CAMTA1: variants seen among roughly 807,000 people sequenced by gnomAD.
CAMTA1 encodes calmodulin binding transcription activator 1, also known as calmodulin-binding transcription activator 1.
A neutral mutation model predicts 170.9 loss-of-function variants in CAMTA1; 27 were observed. The observed-to-expected ratio is 0.16, with a 90% confidence interval of 0.12 to 0.22. CAMTA1 has a LOEUF of 0.22. Ranked by LOEUF, CAMTA1 falls within the 10% of genes least tolerant of loss-of-function variation. The pLI is 1.00. For missense variants in CAMTA1, 1,619 were observed against 2,217.2 expected, an observed-to-expected ratio of 0.73 and a Z score of 5.42; for synonymous variants, 833 against 891.5, an observed-to-expected ratio of 0.93 and a Z score of 1.17.
intron 4 of CAMTA1, among the ~76,000 whole-genome samples, chr1:7,100,665 C>G (rs1453657098): frequency 6.6e-6 from 1 of 152,218 alleles, no homozygotes; most frequent in African/African-American, 2.4e-5. Flanking sequence ...CGCAGCCCGA[C>G]CCACACCAAG....
intron 3 of CAMTA1, among the ~76,000 whole-genome samples, chr1:7,068,527 G>A (rs1479423302): frequency 6.6e-6 from 1 of 152,100 alleles, no homozygotes; most frequent in African/African-American, 2.4e-5. Context: ...GGCAGACCAC[G>A]ATGGGGATGA....
At chr1:6,902,937 A>AC (rs1557796003) in intron 3 of CAMTA1, among the ~76,000 whole-genome samples, 1 of 152,236 alleles carries the variant, frequency 6.6e-6, no homozygotes. Flanking sequence ...ATACATGTAC[A>AC]CCATGATCCA....
At chr1:7,160,430 T>C (rs188914090) in intron 4 of CAMTA1, among the ~76,000 whole-genome samples, 1 of 152,252 alleles carries the variant, frequency 6.6e-6, no homozygotes, top group East Asian at 1.9e-4. Flanking sequence ...TCCTCGTTTC[T>C]TTGACTATCT....
chr1:7,168,284 T>G (rs1481631773), intron 4 of CAMTA1, among the ~76,000 whole-genome samples: 4 of 152,258 alleles, frequency 2.6e-5, no homozygotes, highest in Admixed American at 6.5e-5. Context: ...CAATGAATAT[T>G]GAGAGTTCTT....
In CAMTA1 at chr1:7,270,565, G is replaced by A. The variant is rs534444641; in HGVS notation, c.438+20939G>A. 1.1e-4 allele frequency among the ~76,000 whole-genome samples: 17 copies of A among 152,096 alleles called. No individual in the cohort carries two copies. The South Asian group carries it at 3.5e-3, about 32-fold the overall frequency. ...CCTGCCTTGGCCTCCCAAAGTACTG[G>A]GATTATAGGCATGAGCCACTGTGCC... On this transcript the variant is annotated intron_variant, in intron 5 of 22. Coordinates refer to ENST00000303635, the MANE Select transcript of CAMTA1 (RefSeq NM_015215.4).
intron 5 of CAMTA1, among the ~76,000 whole-genome samples, chr1:7,387,060 C>T (rs1011756846): frequency 7.9e-5 from 12 of 152,134 alleles, no homozygotes; most frequent in African/African-American, 2.9e-4. Context: ...CCCTTGGCTT[C>T]CTTCTCTTCC....
chr1:7,272,704 A>AAAAAAAAAAAAAAAAAAAG, intron 5 of CAMTA1, among the ~76,000 whole-genome samples: 1 of 146,962 alleles, frequency 6.8e-6, no homozygotes, highest in Non-Finnish European at 1.5e-5. Context: ...AAAAAAAAAA[A>AAAAAAAAAAAAAAAAAAAG]AAAAAAAAAA....
At chr1:7,250,312 G>A (rs1666429950) in intron 5 of CAMTA1, among the ~76,000 whole-genome samples, 1 of 152,208 alleles carries the variant, frequency 6.6e-6, no homozygotes, top group Admixed American at 6.5e-5. Context: ...TGAGCCATGT[G>A]TCACAGCCGT....
chr1:7,463,592 C>T lies in CAMTA1; in HGVS notation c.439-4238C>T, dbSNP rs1022858838. Among the ~76,000 whole-genome samples the T allele has an allele frequency of 2.0e-5, 3 of 151,630 alleles. No individual in the cohort carries two copies. Among genetic ancestry groups the T allele is most frequent in the African/African-American group, 4.9e-5 (2 of 41,200 alleles). ...ATACAGAGATAGAGAAAGATAGAGA[C>T]GGAAGAAGAGAGACCAAGGGACAGA... On this transcript the variant is annotated intron_variant, in intron 5 of 22. Coordinates refer to ENST00000303635, the MANE Select transcript of CAMTA1 (RefSeq NM_015215.4). The surrounding 1 kb of genome is among the most constrained non-coding windows in gnomAD (Gnocchi z 4.7).
intron 3 of CAMTA1, among the ~76,000 whole-genome samples, chr1:7,019,480 G>A (rs1303485587): frequency 6.6e-6 from 1 of 152,170 alleles, no homozygotes; most frequent in Admixed American, 6.5e-5. Flanking sequence ...GTGGGGCAGG[G>A]GTCACAAAGC....
intron 4 of CAMTA1, among the ~76,000 whole-genome samples, chr1:7,103,905 C>G (rs1457347630): frequency 6.7e-6 from 1 of 148,340 alleles, no homozygotes; most frequent in African/African-American, 2.5e-5. Context: ...CACACAACTA[C>G]ACGCGCACTC....
chr1:6,924,190 A>G (rs983774591), intron 3 of CAMTA1, among the ~76,000 whole-genome samples: 1 of 152,248 alleles, frequency 6.6e-6, no homozygotes, highest in Non-Finnish European at 1.5e-5. Flanking sequence ...TGAATAGTGC[A>G]CAAGAGGGAA....
chr1:7,422,047 C>T (rs963632923), intron 5 of CAMTA1, among the ~76,000 whole-genome samples: 6 of 151,966 alleles, frequency 3.9e-5, no homozygotes, highest in East Asian at 1.9e-4. Context: ...TACAATCAGC[C>T]CAGGGAGAAA....
intron 6 of CAMTA1, among the ~76,000 whole-genome samples, chr1:7,616,069 T>C (rs1236370595): frequency 6.6e-6 from 1 of 152,244 alleles, no homozygotes; most frequent in Non-Finnish European, 1.5e-5. Flanking sequence ...TAAAAGGATG[T>C]TTTTCCTCCA....
chr1:6,902,084 TAAA>T (rs143405526), intron 3 of CAMTA1, among the ~76,000 whole-genome samples: 1 of 105,012 alleles, frequency 9.5e-6, no homozygotes, highest in Non-Finnish European at 2.0e-5. Context: ...AAAAAAAAAA[TAAA>T]AATAAAAACT....
At position 7,274,793 on chromosome 1, in the gene CAMTA1, G is replaced by A. The variant is rs80015771; in HGVS notation, c.438+25167G>A. 1.5e-3 allele frequency among the ~76,000 whole-genome samples: 235 copies of A among 152,186 alleles called. 2 individuals are homozygous for A. The highest frequency in any genetic ancestry group is 5.5e-3 in the African/African-American group (227 of 41,516). ...AAATATCTGAAAAATTCCCAAATAT[G>A]TGGAAATTACACAACATACTGCTTA... On this transcript the variant is annotated intron_variant, in intron 5 of 22. Transcript: ENST00000303635.
rs200498834 is a variant in CAMTA1, at chr1:7,032,838, G to GT, written c.235-58461dup. 5.4e-3 allele frequency among the ~76,000 whole-genome samples: 813 copies of GT among 151,440 alleles called. 6 individuals are homozygous for GT. The highest frequency in any genetic ancestry group is 0.018 in the African/African-American group (747 of 41,420). On this transcript the variant is annotated intron_variant, in intron 3 of 22. Transcript: ENST00000303635. ...ATGGATAAAGAATTCTAGGTTGATA[G>GT]TTTTTGTTTTTTCTCTTAGCACTTT...
intron 5 of CAMTA1, among the ~76,000 whole-genome samples, chr1:7,424,286 C>T (rs531918863): frequency 5.1e-4 from 77 of 152,220 alleles, no homozygotes; most frequent in African/African-American, 1.8e-3. Flanking sequence ...TTAAAAGAAA[C>T]CAAATTAGAG....
chr1:7,737,553 T>C lies in CAMTA1; in HGVS notation c.3641T>C (p.Ile1214Thr), dbSNP rs1185244799. ...GAAATACCCAAGGGAGTCACTGTTA[T>C]TGCAAGCACCAACCCAGGTAAGAAT... ...SPEIPKGVTV[I>T]ASTNPELRRP... The change falls in exon 15 of 23, where the codon ATT becomes ACT. Residue 1214 changes from isoleucine (I) to threonine (T), a missense_variant. This residue lies in a region of CAMTA1 where 370 missense variants were observed against 429.4 expected (regional missense o/e 0.86). Coordinates refer to ENST00000303635, the MANE Select transcript of CAMTA1 (RefSeq NM_015215.4). 2 of 1,608,542 alleles carry C rather than the reference T, an allele frequency of 1.2e-6. No homozygotes were observed. The highest frequency in any genetic ancestry group is 1.7e-6 in the Non-Finnish European group (2 of 1,176,364).
Sources: gnomAD v4.1 joint callset for allele counts (sites outside exome capture counted in the v4.1 genomes callset) on GRCh38, gnomAD v4.1.1 for gene constraint, gnomAD v4.1.1 regional missense constraint, Gnocchi (gnomAD v3.1) non-coding constraint, MANE v1.5 for transcripts, NCBI Gene and HGNC (gene_info 2026-07-23, HGNC 2026-07-21) for gene names.